The following FLG variants were observed in gnomAD, a reference collection of about 807,000 sequenced individuals.
The protein encoded by FLG is filaggrin.
In FLG, 6 loss-of-function variants were observed where a neutral mutation model predicts 3.8. The observed-to-expected ratio is 1.60, with a 90% CI of 0.87 to 3.15. FLG has a LOEUF of 3.15. Ranked by LOEUF, FLG falls within the 30% of genes most tolerant of loss-of-function variation. FLG has a pLI of 0.00. For missense variants in FLG, 7,595 were observed against 5,050.9 expected, an observed-to-expected ratio of 1.50 and a Z score of -15.27; for synonymous variants, 2,551 against 1,931.6, an observed-to-expected ratio of 1.32 and a Z score of -8.41.
At chr1:152,323,046 T>G (rs769441868) in intron 1 of FLG, among the ~76,000 whole-genome samples, 13 of 151,474 alleles carry the variant, frequency 8.6e-5, no homozygotes, top group Non-Finnish European at 1.5e-4. Flanking sequence ...TAGTATAAAG[T>G]CAGTCTTATA....
In FLG at chr1:152,312,933, C is replaced by A. The variant is rs1652566050; in HGVS notation, c.1953G>T (p.Glu651Asp). The stretch of plus-strand genomic sequence containing the variant: ...GGTGTCTGGAGCCATCTCTTGACTG[C>A]TCCTGAGCAGATCCATGATGGTTTC... The part of the protein sequence containing the change: ...ASRNHHGSAQ[E>D]QSRDGSRHPR... Residue 651 changes from glutamate to aspartate, a missense_variant, in exon 3 of 3, where the codon GAG (glutamate) becomes GAT (aspartate). Coordinates refer to ENST00000368799, the MANE Select transcript of FLG (RefSeq NM_002016.2). The A allele has an allele frequency of 6.2e-7, 1 of 1,613,926 alleles. No homozygotes were observed. Among genetic ancestry groups the A allele is most frequent in the African/African-American group, 1.3e-5 (1 of 74,822 alleles).
At chr1:152,322,753 G>A (rs996070051) in intron 1 of FLG, among the ~76,000 whole-genome samples, 1 of 151,292 alleles carries the variant, frequency 6.6e-6, no homozygotes, top group Non-Finnish European at 1.5e-5. Flanking sequence ...ACAATATATA[G>A]CTTGTTTATG....
rs932669449 is a variant in FLG, at chr1:152,307,932, G to A, written c.6954C>T (p.Ser2318=). The stretch of plus-strand genomic sequence containing the variant: ...CTGCACTTGATCTTGCCTGTTCATG[G>A]GATGATGCAGCCTGTCCACCAGAGG... The part of the protein sequence containing the change: ...ENSSGGQAAS[S]HEQARSSAGE... Residue 2318 remains serine, a synonymous_variant, in exon 3 of 3, where the codon TCC becomes TCT. Coordinates refer to ENST00000368799, the MANE Select transcript of FLG (RefSeq NM_002016.2). The A allele has an allele frequency of 6.2e-7, 1 of 1,613,436 alleles. No individual in the cohort carries two copies. The highest frequency in any genetic ancestry group is 1.1e-5 in the South Asian group (1 of 91,016).
In FLG at chr1:152,310,741, A is replaced by C. The variant is rs925994626; in HGVS notation, c.4145T>G (p.Val1382Gly). 4 of 1,613,698 alleles carry C rather than the reference A, an allele frequency of 2.5e-6. No homozygotes were observed. Among genetic ancestry groups the C allele is most frequent in the Non-Finnish European group, 3.4e-6 (4 of 1,179,996 alleles). ...GGACCCTCGGTGTCCACTGTCTCTG[A>C]CTGCAGATGAAGCTTGTCTGTGCCC... ...GIGHRQASSA[V>G]RDSGHRGSSG... Residue 1382 changes from valine to glycine, a missense_variant, in exon 3 of 3, where the codon GTC becomes GGC. Transcript: ENST00000368799.
chr1:152,318,596 G>A (rs546616401), intron 1 of FLG, among the ~76,000 whole-genome samples: 1 of 151,848 alleles, frequency 6.6e-6, no homozygotes, highest in Non-Finnish European at 1.5e-5. Context: ...CCTTTCTGAG[G>A]CAATGTCATT....
In FLG at chr1:152,315,318, C is replaced by A; in HGVS notation, c.138+1G>T. The A allele has an allele frequency of 2.5e-6, 4 of 1,613,088 alleles. No homozygotes were observed. In the South Asian group the frequency reaches 4.4e-5, roughly 18 times the overall value. The stretch of plus-strand genomic sequence containing the variant: ...TCTTTGGTCTTGTCAGAGACTCTTA[C>A]CTTCAGGATTTGCCGAAATTCCTTT... On this transcript the variant is annotated splice_donor_variant, in intron 2 of 2. Transcript: ENST00000368799. LOFTEE classifies it high-confidence loss of function.
At chr1:152,319,623 A>G (rs1652891915) in intron 1 of FLG, among the ~76,000 whole-genome samples, 1 of 151,552 alleles carries the variant, frequency 6.6e-6, no homozygotes, top group Non-Finnish European at 1.5e-5. Context: ...AGGAGCGACA[A>G]TAAGATTGAT....
chr1:152,322,125 G>C (rs750606429), intron 1 of FLG, among the ~76,000 whole-genome samples: 1 of 150,988 alleles, frequency 6.6e-6, no homozygotes, highest in Non-Finnish European at 1.5e-5. Context: ...TTTGAAAAAT[G>C]TCATAGCAAA....
chr1:152,307,066 C>T lies in FLG; in HGVS notation c.7820G>A (p.Arg2607Lys), dbSNP rs536473144. The change falls in exon 3 of 3, where the codon AGG becomes AAG. Residue 2607 changes from arginine (R) to lysine (K), a missense_variant. Physicochemically the swap from Arg to Lys is conservative, Grantham distance 26. Coordinates refer to ENST00000368799, the MANE Select transcript of FLG (RefSeq NM_002016.2). Reference protein sequence around the residue: ...EQLRDGSRHPRSHQEDRAGHG... With the variant: ...EQLRDGSRHPKSHQEDRAGHG... ...ACCAGCTCTGTCTTCTTGATGGGACCTGGGGTGTCTGGAGCCATCTCTTAG... is the reference window on the plus strand; with the variant it reads ...ACCAGCTCTGTCTTCTTGATGGGACTTGGGGTGTCTGGAGCCATCTCTTAG... 1.9e-6 allele frequency: 3 copies of T among 1,608,890 alleles called. No individual in the cohort carries two copies. The highest frequency in any genetic ancestry group is 1.7e-4 in the Middle Eastern group (1 of 6,002).
At position 152,308,968 on chromosome 1, in the gene FLG, C is replaced by T. The variant is rs755476844; in HGVS notation, c.5918G>A (p.Ser1973Asn). 1.2e-6 allele frequency: 2 copies of T among 1,614,200 alleles called. No individual in the cohort carries two copies. The highest frequency in any genetic ancestry group is 1.7e-6 in the Non-Finnish European group (2 of 1,180,024). ...DRAGHGHSAD[S>N]SRQSGTRHTE... The stretch of plus-strand genomic sequence containing the variant: ...GTGACGAGTGCCTGATTGTCTGGAG[C>T]TGTCTGCAGAGTGCCCGTGACCGGC... Residue 1973 changes from serine to asparagine, a missense_variant, in exon 3 of 3, where the codon AGC (serine) becomes AAC (asparagine). Physicochemically the swap from Ser to Asn is conservative, Grantham distance 46. Coordinates refer to ENST00000368799, the MANE Select transcript of FLG (RefSeq NM_002016.2).
Position 152,309,806 on chromosome 1 carries a change from C to T in FLG, c.5080G>A (p.Asp1694Asn). The stretch of plus-strand genomic sequence containing the variant: ...TCTTGTCTGCGCCCAGTGCCTGAGT[C>T]TGTGGAGCTGTCTGCTGACTGCTGG... ...RHQQSADSSTDSGTGRRQDSS... is the reference protein window; with the variant it reads ...RHQQSADSSTNSGTGRRQDSS... The change falls in exon 3 of 3, where the codon GAC becomes AAC. Residue 1694 changes from aspartate (D) to asparagine (N), a missense_variant. By Grantham distance (23) the Asp-to-Asn change is conservative. Coordinates refer to ENST00000368799, the MANE Select transcript of FLG (RefSeq NM_002016.2). 4 of 1,613,986 alleles carry T rather than the reference C, an allele frequency of 2.5e-6. No homozygotes were observed. The highest frequency in any genetic ancestry group is 2.5e-6 in the Non-Finnish European group (3 of 1,179,996).
intron 1 of FLG, among the ~76,000 whole-genome samples, chr1:152,321,069 C>G (rs922739905): frequency 6.6e-6 from 1 of 150,710 alleles, no homozygotes; most frequent in Admixed American, 6.6e-5. Flanking sequence ...TATATACACA[C>G]ACACATATAT....
chr1:152,314,056 T>C lies in FLG; in HGVS notation c.830A>G (p.Glu277Gly), dbSNP rs1570915423. The C allele has an allele frequency of 6.2e-7, 1 of 1,614,232 alleles. No homozygotes were observed. The highest frequency in any genetic ancestry group is 8.5e-7 in the Non-Finnish European group (1 of 1,180,034). Reference protein sequence around the residue: ...SSSQVNRSRHENTSQVPLQES... With the variant: ...SSSQVNRSRHGNTSQVPLQES... ...CTGCAATGGTACCTGGCTTGTATTT[T>C]CATGTCTTGACCTGTTCACTTGAGA... The change falls in exon 3 of 3, where the codon GAA becomes GGA. Residue 277 changes from glutamate (E) to glycine (G), a missense_variant. Physicochemically the swap from Glu to Gly is moderately conservative, Grantham distance 98 (BLOSUM62 -2). Coordinates refer to ENST00000368799, the MANE Select transcript of FLG (RefSeq NM_002016.2).
At chr1:152,319,681 T>TTATATTC (rs1365719701) in intron 1 of FLG, among the ~76,000 whole-genome samples, 1 of 151,516 alleles carries the variant, frequency 6.6e-6, no homozygotes, top group Non-Finnish European at 1.5e-5. Flanking sequence ...CGATGAAATG[T>TTATATTC]TATATTCATC....
Position 152,311,552 on chromosome 1 carries a change from C to T in FLG, c.3334G>A (p.Gly1112Arg). 6.2e-7 allele frequency: 1 copy of T among 1,613,936 alleles called. No individual in the cohort carries two copies. Among genetic ancestry groups the T allele is most frequent in the Non-Finnish European group, 8.5e-7 (1 of 1,179,994 alleles). ...TGGTAGATGAAAGACCCTGAACGTC[C>T]AGACCTTCCCCCTGACCAGTCACGT... ...SARDWSGGRS[G>R]RSGSFIYQVS... Residue 1112 changes from glycine (G) to arginine (R), a missense_variant, in exon 3 of 3, where the codon GGA becomes AGA. Gly to Arg is a moderately radical substitution (Grantham distance 125). Transcript: ENST00000368799.
rs758526202 is a variant in FLG, at chr1:152,313,676, G to C, written c.1210C>G (p.Gln404Glu). Residue 404 changes from glutamine to glutamate, a missense_variant, in exon 3 of 3, where the codon CAA becomes GAA. By Grantham distance (29) the Gln-to-Glu change is conservative. Coordinates refer to ENST00000368799, the MANE Select transcript of FLG (RefSeq NM_002016.2). ...CGATCGCTGACTGCAGATGAAGCTT[G>C]CCCGCGCCCAGTGGCTGAGTGTCTG... ...SSRHSATGRG[Q>E]ASSAVSDRGH... 1.2e-6 allele frequency: 2 copies of C among 1,614,008 alleles called. No homozygotes were observed. The highest frequency in any genetic ancestry group is 1.7e-6 in the Non-Finnish European group (2 of 1,180,000).
Position 152,308,423 on chromosome 1 carries a change from C to CG in FLG, c.6462_6463insC (p.Glu2155ArgfsTer6). On this transcript the variant is annotated frameshift_variant, in exon 3 of 3. Coordinates refer to ENST00000368799, the MANE Select transcript of FLG (RefSeq NM_002016.2). LOFTEE classifies it low-confidence loss of function (END_TRUNC). ...TGTCCAGACCTATCTACCGATTGCT[C>CG]TTGGTGGGACCCCTGTCTTCCTCCT... 6.2e-7 allele frequency: 1 copy of CG among 1,613,904 alleles called. No homozygotes were observed. Among genetic ancestry groups the CG allele is most frequent in the South Asian group, 1.1e-5 (1 of 91,046 alleles).
At position 152,303,122 on chromosome 1, in the gene FLG, A is replaced by G. The variant is rs753063221; in HGVS notation, c.11764T>C (p.Ser3922Pro). The G allele has an allele frequency of 6.2e-7, 1 of 1,614,176 alleles. No individual in the cohort carries two copies. The highest frequency in any genetic ancestry group is 8.5e-7 in the Non-Finnish European group (1 of 1,180,032). The change falls in exon 3 of 3, where the codon TCT becomes CCT. Residue 3922 changes from serine (S) to proline (P), a missense_variant. Coordinates refer to ENST00000368799, the MANE Select transcript of FLG (RefSeq NM_002016.2). ...HVQSSPVQSD[S>P]STAKEHGHFS... Reference sequence around the variant, plus strand: ...TGACCATGTTCCTTAGCGGTACTAGAGTCTGACTGTACAGGTGAAGACTGT... The same window carrying G: ...TGACCATGTTCCTTAGCGGTACTAGGGTCTGACTGTACAGGTGAAGACTGT...
Position 152,309,558 on chromosome 1 carries a change from C to G in FLG, c.5328G>C (p.Glu1776Asp), listed in dbSNP as rs765269843. The part of the protein sequence containing the change: ...LYQVSTHEQS[E>D]SAHGRTGPST... ...TGGGCCCTGTGCGTCCATGGGCGGA[C>G]TCAGACTGTTCATGAGTGCTCACCT... The change falls in exon 3 of 3, where the codon GAG becomes GAC. Residue 1776 changes from glutamate (E) to aspartate (D), a missense_variant. By Grantham distance (45) the Glu-to-Asp change is conservative. Coordinates refer to ENST00000368799, the MANE Select transcript of FLG (RefSeq NM_002016.2). The G allele has an allele frequency of 1.9e-6, 3 of 1,613,738 alleles. No homozygotes were observed. Among genetic ancestry groups the G allele is most frequent in the Admixed American group, 3.3e-5 (2 of 59,982 alleles).
Sources: allele counts gnomAD v4.1 joint callset (sites outside exome capture counted in the v4.1 genomes callset), GRCh38; gene constraint gnomAD v4.1.1; transcripts MANE v1.5; gene names NCBI Gene and HGNC (gene_info 2026-07-23, HGNC 2026-07-21).